Variants in GPR39 observed in about 807,000 individuals in gnomAD.
The protein encoded by GPR39 is G protein-coupled receptor 39.
In GPR39, 23 loss-of-function variants were observed where a neutral mutation model predicts 18.4. That is an observed-to-expected ratio of 1.25 (90% CI 0.90 to 1.77). The LOEUF is 1.77. Ranked by LOEUF, GPR39 falls within the 40% of genes most tolerant of loss-of-function variation. The pLI is 0.00. For synonymous variants in GPR39, 280 were observed against 257.9 expected, an observed-to-expected ratio of 1.09 and a Z score of -0.82; for missense variants, 647 against 602.4, an observed-to-expected ratio of 1.07 and a Z score of -0.78.
intron 1 of GPR39, among the ~76,000 whole-genome samples, chr2:132,535,234 G>T (rs1224530004): frequency 6.6e-6 from 1 of 152,160 alleles, no homozygotes; most frequent in Non-Finnish European, 1.5e-5. Context: ...TTTGAGATAT[G>T]TTCCATCAAT....
At position 132,527,370 on chromosome 2, in the gene GPR39, T is replaced by C. The variant is rs1014389465; in HGVS notation, c.856+109472T>C. 2.6e-5 allele frequency among the ~76,000 whole-genome samples: 4 copies of C among 152,248 alleles called. No individual in the cohort carries two copies. The East Asian group carries it at 7.7e-4, about 29-fold the overall frequency. ...GAGTATTTGGGTTGGTTCTTTGTCT[T>C]TGCTATTGTAAATAGTGCTGCAGTA... On this transcript the variant is annotated intron_variant, in intron 1 of 1. Transcript: ENST00000329321.
At chr2:132,493,010 A>T in intron 1 of GPR39, among the ~76,000 whole-genome samples, 1 of 141,108 alleles carries the variant, frequency 7.1e-6, no homozygotes, top group Non-Finnish European at 1.5e-5. Context: ...CCATATATAC[A>T]CTATATATAC....
At chr2:132,643,785 A>G (rs775525749) in intron 1 of GPR39, among the ~76,000 whole-genome samples, 10 of 152,124 alleles carry the variant, frequency 6.6e-5, no homozygotes, top group Middle Eastern at 3.2e-3. Flanking sequence ...CTCCCAGAGT[A>G]TTGAGATATC....
At chr2:132,551,954 G>T (rs1228984438) in intron 1 of GPR39, among the ~76,000 whole-genome samples, 1 of 152,166 alleles carries the variant, frequency 6.6e-6, no homozygotes, top group Non-Finnish European at 1.5e-5. Flanking sequence ...CAGGACTTGG[G>T]GATGTATTAG....
intron 1 of GPR39, among the ~76,000 whole-genome samples, chr2:132,422,703 A>G (rs1326851642): frequency 6.6e-6 from 1 of 152,080 alleles, no homozygotes; most frequent in Non-Finnish European, 1.5e-5. Flanking sequence ...TTTTATGTTT[A>G]TTACCCTATT....
chr2:132,596,848 T>A (rs920857186), intron 1 of GPR39, among the ~76,000 whole-genome samples: 7 of 152,226 alleles, frequency 4.6e-5, no homozygotes, highest in Non-Finnish European at 8.8e-5. Flanking sequence ...AAAGATCCCC[T>A]GTTGATTTCC....
intron 1 of GPR39, among the ~76,000 whole-genome samples, chr2:132,501,964 A>G (rs369358871): frequency 3.3e-5 from 5 of 152,092 alleles, no homozygotes; most frequent in South Asian, 2.1e-4. Flanking sequence ...AGTTGATGTG[A>G]GTACTTATGT....
At chr2:132,521,872 T>G (rs979388838) in intron 1 of GPR39, among the ~76,000 whole-genome samples, 2 of 152,216 alleles carry the variant, frequency 1.3e-5, no homozygotes, top group Non-Finnish European at 2.9e-5. Context: ...TTTCTGTGTA[T>G]GTCCTTAATG....
chr2:132,462,752 C>T (rs1558805606), intron 1 of GPR39, among the ~76,000 whole-genome samples: 1 of 152,134 alleles, frequency 6.6e-6, no homozygotes, highest in Non-Finnish European at 1.5e-5. Flanking sequence ...AATCACTTCA[C>T]CTCTCTCTGC....
intron 1 of GPR39, among the ~76,000 whole-genome samples, chr2:132,626,195 A>C (rs1681542593): frequency 6.6e-6 from 1 of 152,212 alleles, no homozygotes; most frequent in South Asian, 2.1e-4. Flanking sequence ...TGGGACTAGA[A>C]TCCAAGGCTA....
chr2:132,492,928 C>T (rs1444167094), intron 1 of GPR39, among the ~76,000 whole-genome samples: 4 of 140,512 alleles, frequency 2.8e-5, no homozygotes, highest in Non-Finnish European at 4.6e-5. Flanking sequence ...CATATATATA[C>T]ACCATATATA....
intron 1 of GPR39, among the ~76,000 whole-genome samples, chr2:132,587,591 G>A (rs1036810552): frequency 2.0e-5 from 3 of 152,128 alleles, no homozygotes; most frequent in Non-Finnish European, 4.4e-5. Context: ...GAATGCGGTA[G>A]TGCGATCTCA....
chr2:132,490,155 C>T (rs930875927), intron 1 of GPR39, among the ~76,000 whole-genome samples: 2 of 151,822 alleles, frequency 1.3e-5, no homozygotes, highest in Non-Finnish European at 2.9e-5. Context: ...AATTCATCTC[C>T]CTTAAGGAAG....
chr2:132,519,284 T>TTTATTATTA (rs71001197), intron 1 of GPR39, among the ~76,000 whole-genome samples: 16 of 151,130 alleles, frequency 1.1e-4, no homozygotes, highest in Admixed American at 1.1e-3. Flanking sequence ...AAGAAGGTTG[T>TTTATTATTA]TTATTATTAT....
chr2:132,529,615 A>C (rs535868387), intron 1 of GPR39, among the ~76,000 whole-genome samples: 1 of 152,222 alleles, frequency 6.6e-6, no homozygotes, highest in Non-Finnish European at 1.5e-5. Flanking sequence ...GTAGGGGCGG[A>C]CTGACACCTC....
At chr2:132,626,099 CA>C (rs11428329) in intron 1 of GPR39, among the ~76,000 whole-genome samples, 2,231 of 134,206 alleles carry the variant, frequency 0.017, 60 homozygotes, top group African/African-American at 0.057. Flanking sequence ...GACTCCATCT[CA>C]AAAAAAAAAA....
At chr2:132,636,949 A>G (rs1374986683) in intron 1 of GPR39, among the ~76,000 whole-genome samples, 2 of 148,920 alleles carry the variant, frequency 1.3e-5, no homozygotes, top group Admixed American at 6.9e-5. Context: ...CTAGAGAAGT[A>G]GCATTTGGCT....
intron 1 of GPR39, among the ~76,000 whole-genome samples, chr2:132,638,519 C>T (rs1681805305): frequency 6.6e-6 from 1 of 152,168 alleles, no homozygotes; most frequent in South Asian, 2.1e-4. Context: ...CCAGGTGGCG[C>T]TGATGCTGCT....
chr2:132,628,965 T>C lies in GPR39; in HGVS notation c.857-16136T>C, dbSNP rs143587232. Among the ~76,000 whole-genome samples the C allele has an allele frequency of 1.0e-3, 152 of 152,300 alleles. 2 individuals are homozygous for C. The highest frequency in any genetic ancestry group is 3.5e-3 in the African/African-American group (144 of 41,574). On this transcript the variant is annotated intron_variant, in intron 1 of 1. Coordinates refer to ENST00000329321, the MANE Select transcript of GPR39 (RefSeq NM_001508.3). The stretch of plus-strand genomic sequence containing the variant: ...CTCAGAGTGACCCAGGCATGGAAAT[T>C]CATCACTCATGTGGTTGTCCTGTCT...
Sources: gnomAD v4.1 joint callset for allele counts (sites outside exome capture counted in the v4.1 genomes callset) on GRCh38, gnomAD v4.1.1 for gene constraint, MANE v1.5 for transcripts, NCBI Gene and HGNC (gene_info 2026-07-23, HGNC 2026-07-21) for gene names.